Variants in HSPBAP1 observed in about 807,000 individuals in gnomAD.
HSPBAP1 encodes HSPB1-associated protein 1.
A neutral mutation model predicts 45.2 loss-of-function variants in HSPBAP1; 27 were observed. The ratio of observed to expected loss-of-function variants is 0.60; its 90% CI spans 0.44 to 0.82. The LOEUF is 0.82. Among genes scored for constraint, HSPBAP1 ranks in the 40% least tolerant of loss-of-function variants. The probability of loss-of-function intolerance (pLI) is 0.00; values close to 1 mark genes in which losing one functional copy is unlikely to be tolerated. For missense variants in HSPBAP1, 510 were observed against 590.9 expected, an observed-to-expected ratio of 0.86 and a Z score of 1.42; for synonymous variants, 204 against 202.7, an observed-to-expected ratio of 1.01 and a Z score of -0.06.
In HSPBAP1 at chr3:122,740,334, T is replaced by G. The variant is rs1309703931; in HGVS notation, c.*11A>C. On this transcript the variant is annotated 3_prime_UTR_variant, in exon 8 of 8. Coordinates refer to ENST00000306103, the MANE Select transcript of HSPBAP1 (RefSeq NM_024610.6). ...AAAAAATATTATTTTAAAAGTCATCTTCCACTTGAATCATAAACTTCTTCC... is the reference window on the plus strand; with the variant it reads ...AAAAAATATTATTTTAAAAGTCATCGTCCACTTGAATCATAAACTTCTTCC... The G allele has an allele frequency of 6.5e-7, 1 of 1,527,326 alleles. No homozygotes were observed. Among genetic ancestry groups the G allele is most frequent in the South Asian group, 1.3e-5 (1 of 78,418 alleles). 94.6% of individuals were successfully genotyped at this position (1,527,326 alleles called of 1,614,324 possible). A position where few individuals can be genotyped will look rare whatever the true frequency, so the allele number is the denominator to read the frequency against.
intron 4 of HSPBAP1, among the ~76,000 whole-genome samples, chr3:122,758,470 C>T (rs908272697): frequency 6.6e-6 from 1 of 152,170 alleles, no homozygotes; most frequent in African/African-American, 2.4e-5. Context: ...AAACCAGGAT[C>T]GCTGGCATCC....
At chr3:122,753,715 TC>T in intron 5 of HSPBAP1, 8 of 983,424 alleles carry the variant, frequency 8.1e-6, no homozygotes, top group Non-Finnish European at 9.7e-6. Flanking sequence ...GAAAGAGAGA[TC>T]CTTTCAGGAA....
intron 6 of HSPBAP1, among the ~76,000 whole-genome samples, chr3:122,747,475 G>C (rs1371879503): frequency 5.0e-4 from 76 of 151,158 alleles, no homozygotes; most frequent in Non-Finnish European, 9.6e-4. Flanking sequence ...CGCCCTGTCT[G>C]GGAGGGAGGT....
intron 1 of HSPBAP1, among the ~76,000 whole-genome samples, chr3:122,785,456 G>C (rs892038583): frequency 2.6e-5 from 4 of 152,154 alleles, no homozygotes; most frequent in African/African-American, 9.7e-5. Context: ...GGTGGTATCT[G>C]ATCACCTTGG....
intron 6 of HSPBAP1, 68 bp from the exon 7 acceptor site, chr3:122,741,181 G>T: frequency 8.7e-7 from 1 of 1,150,108 alleles, no homozygotes; most frequent in Non-Finnish European, 1.3e-6. Context: ...AATAAAGTCT[G>T]TTTTAATTTC....
chr3:122,749,057 G>A (rs2107501898), intron 6 of HSPBAP1, among the ~76,000 whole-genome samples: 1 of 151,942 alleles, frequency 6.6e-6, no homozygotes, highest in South Asian at 2.1e-4. Context: ...ATATAAATAA[G>A]TAAAGACATA....
chr3:122,761,453 C>CT (rs1934578816), intron 3 of HSPBAP1: 1 of 152,088 alleles, frequency 6.6e-6, no homozygotes, highest in Non-Finnish European at 1.5e-5. Context: ...GGCCTCCTGT[C>CT]TAACAGTAAT....
At chr3:122,757,505 C>A (rs1934397358) in intron 4 of HSPBAP1, among the ~76,000 whole-genome samples, 1 of 152,150 alleles carries the variant, frequency 6.6e-6, no homozygotes, top group African/African-American at 2.4e-5. Flanking sequence ...ACTTTTTAGT[C>A]CCACAGCTCT....
intron 6 of HSPBAP1, 106 bp downstream of exon 6, chr3:122,752,485 T>C (rs1934188169): frequency 1.6e-6 from 1 of 635,230 alleles, no homozygotes. Context: ...ACTGAAGCAT[T>C]GGTTAAAAAA....
intron 6 of HSPBAP1, 98 bp downstream of exon 6, chr3:122,752,493 A>C: frequency 1.4e-6 from 1 of 690,292 alleles, no homozygotes. Flanking sequence ...ATTGGTTAAA[A>C]AAAATTAATT....
intron 1 of HSPBAP1, among the ~76,000 whole-genome samples, chr3:122,779,150 C>A (rs1427662437): frequency 6.6e-6 from 1 of 152,034 alleles, no homozygotes; most frequent in South Asian, 2.1e-4. Context: ...TCAAGCAATT[C>A]TCTGCCTCAG....
chr3:122,755,452 A>AAAAG (rs1553753013), intron 4 of HSPBAP1, 21 bp from the exon 5 acceptor site: 1 of 1,435,410 alleles, frequency 7.0e-7, no homozygotes, highest in African/African-American at 1.5e-5. Context: ...AAAAAAAAAA[A>AAAAG]AGATACAAGT....
chr3:122,744,530 A>G (rs1284493300), intron 6 of HSPBAP1, among the ~76,000 whole-genome samples: 2 of 152,252 alleles, frequency 1.3e-5, no homozygotes, highest in Admixed American at 1.3e-4. Flanking sequence ...CCAGTTTTTC[A>G]ATAAACATTG....
intron 2 of HSPBAP1, among the ~76,000 whole-genome samples, chr3:122,774,394 G>A (rs951274756): frequency 2.0e-5 from 3 of 152,190 alleles, no homozygotes; most frequent in Non-Finnish European, 4.4e-5. Flanking sequence ...CTAGACACAG[G>A]GAACTACATA....
At chr3:122,745,965 T>A (rs2107497760) in intron 6 of HSPBAP1, among the ~76,000 whole-genome samples, 1 of 152,344 alleles carries the variant, frequency 6.6e-6, no homozygotes, top group East Asian at 1.9e-4. Context: ...GTTTGCATCT[T>A]AGCTAAGACA....
chr3:122,780,501 C>CG (rs1456416272), intron 1 of HSPBAP1, among the ~76,000 whole-genome samples: 8 of 99,418 alleles, frequency 8.0e-5, no homozygotes, highest in African/African-American at 2.3e-4. Flanking sequence ...GCTGGCCGGG[C>CG]GGGGGCTGAC....
chr3:122,752,842 C>T, intron 5 of HSPBAP1, 168 bp from the exon 6 acceptor site: 1 of 1,375,134 alleles, frequency 7.3e-7, no homozygotes. Context: ...ACCTTTTTTC[C>T]TTTTATTCCT....
At chr3:122,754,456 A>T in intron 5 of HSPBAP1, 6 of 751,868 alleles carry the variant, frequency 8.0e-6, no homozygotes, top group Non-Finnish European at 9.7e-6. Flanking sequence ...GAAAAAGATT[A>T]GTTGTTGTCA....
intron 6 of HSPBAP1, among the ~76,000 whole-genome samples, chr3:122,751,894 C>T (rs996057963): frequency 5.9e-5 from 9 of 152,160 alleles, no homozygotes; most frequent in African/African-American, 1.9e-4. Context: ...AAAAACTAGA[C>T]TAGGGAGAGG....
Sources: allele counts gnomAD v4.1 joint callset (sites outside exome capture counted in the v4.1 genomes callset), GRCh38; gene constraint gnomAD v4.1.1; transcripts MANE v1.5; gene names NCBI Gene and HGNC (gene_info 2026-07-23, HGNC 2026-07-21).